RCAN3: variants seen among roughly 807,000 people sequenced by gnomAD.
RCAN3 encodes regulator of calcineurin 3.
Under a neutral mutation model 21.9 loss-of-function variants are expected in RCAN3, and 19 were observed. That is an observed-to-expected ratio of 0.87 (90% CI 0.61 to 1.27). The LOEUF is 1.27. Ranked by LOEUF, RCAN3 falls within the 50% of genes most tolerant of loss-of-function variation. The pLI is 0.00. For missense variants in RCAN3, 240 were observed against 300.1 expected (o/e 0.80, Z 1.48); for synonymous variants, 114 against 112.3 (o/e 1.01, Z -0.09).
Position 24,537,477 on chromosome 1 carries a change from G to T in RCAN3, c.*2200G>T, listed in dbSNP as rs765452943. 2.0e-5 allele frequency: 3 copies of T among 151,882 alleles called. No homozygotes were observed. Among genetic ancestry groups the T allele is most frequent in the Non-Finnish European group, 4.4e-5 (3 of 67,978 alleles). The allele number at this position is 151,882 out of a possible 1,614,324, so 9.4% of individuals were successfully genotyped here. A position where few individuals can be genotyped will look rare whatever the true frequency, so the allele number is the denominator to read the frequency against. ...CAGGATCTTAACAGATACTATCATC[G>T]CTGTCCTTTTTTGGCTGTTTAATAT... is the stretch of plus-strand genomic sequence containing the variant. On this transcript the variant is annotated 3_prime_UTR_variant, in exon 5 of 5. Transcript: ENST00000374395.
chr1:24,515,215 C>T (rs890290349), intron 2 of RCAN3, among the ~76,000 whole-genome samples: 2 of 152,092 alleles, frequency 1.3e-5, no homozygotes, highest in Admixed American at 6.6e-5. Context: ...GATCTTTAGC[C>T]GGGCTTCCTA....
At chr1:24,519,598 C>G (rs1215646274) in intron 2 of RCAN3, among the ~76,000 whole-genome samples, 1 of 152,110 alleles carries the variant, frequency 6.6e-6, no homozygotes, top group East Asian at 1.9e-4. Flanking sequence ...ATCTGACCTC[C>G]TCACCATAGG....
chr1:24,526,407 AAG>A (rs142301367), intron 2 of RCAN3, among the ~76,000 whole-genome samples: 4 of 150,432 alleles, frequency 2.7e-5, no homozygotes, highest in Admixed American at 6.6e-5. Flanking sequence ...TGGATTTTGG[AAG>A]AGAGAGAGAG....
At chr1:24,532,010 T>A (rs1014340812) in intron 3 of RCAN3, among the ~76,000 whole-genome samples, 1 of 152,066 alleles carries the variant, frequency 6.6e-6, no homozygotes, top group Admixed American at 6.6e-5. Context: ...TTTCAAAACA[T>A]TTTTTTCAGT....
upstream of RCAN3, among the ~76,000 whole-genome samples, chr1:24,502,674 G>GC (rs991746962): frequency 4.0e-5 from 6 of 151,692 alleles, no homozygotes; most frequent in Non-Finnish European, 5.9e-5. Context: ...TACAGCCCAA[G>GC]CCCCCCACAG....
chr1:24,505,880 G>A (rs1647398822), intron 1 of RCAN3, among the ~76,000 whole-genome samples: 1 of 152,110 alleles, frequency 6.6e-6, no homozygotes, highest in African/African-American at 2.4e-5. Flanking sequence ...AAGAATTTGC[G>A]TTTTCCTGAT....
At chr1:24,534,260 T>C (rs1650034989) in intron 4 of RCAN3, among the ~76,000 whole-genome samples, 1 of 152,152 alleles carries the variant, frequency 6.6e-6, no homozygotes, top group Admixed American at 6.5e-5. Flanking sequence ...GGAGTGCCTA[T>C]GCTGCCTGGA....
Sources: allele counts gnomAD v4.1 joint callset (sites outside exome capture counted in the v4.1 genomes callset), GRCh38; gene constraint gnomAD v4.1.1; transcripts MANE v1.5; gene names NCBI Gene and HGNC (gene_info 2026-07-23, HGNC 2026-07-21).